Variants in MED13L observed in about 807,000 individuals in gnomAD.
MED13L encodes mediator complex subunit 13L, also known as mediator of RNA polymerase II transcription subunit 13-like.
In MED13L, 7 loss-of-function variants were observed where a neutral mutation model predicts 220.9. The observed-to-expected ratio is 0.03, with a 90% CI of 0.02 to 0.06. The LOEUF is 0.06. Among genes scored for constraint, MED13L ranks in the 10% least tolerant of loss-of-function variants. The pLI is 1.00. For missense variants in MED13L, 1,965 were observed against 2,760.5 expected, an observed-to-expected ratio of 0.71 and a Z score of 6.46; for synonymous variants, 1,011 against 1,015.2, an observed-to-expected ratio of 1.00 and a Z score of 0.08.
chr12:115,961,129 G>A lies in MED13L; in HGVS notation c.*137C>T, dbSNP rs572343074. 3.1e-5 allele frequency: 35 copies of A among 1,145,008 alleles called. No individual in the cohort carries two copies. The African/African-American group carries it at 4.1e-4, about 13-fold the overall frequency. 70.9% of individuals were successfully genotyped at this position (1,145,008 alleles called of 1,614,324 possible). Reference sequence around the variant, plus strand: ...ACTGCAGAATTGACATGTGCCTGCTGAGAAGGAATCACAGTGCAGGACTGT... The same window carrying A: ...ACTGCAGAATTGACATGTGCCTGCTAAGAAGGAATCACAGTGCAGGACTGT... On this transcript the variant is annotated 3_prime_UTR_variant, in exon 31 of 31. Coordinates refer to ENST00000281928, the MANE Select transcript of MED13L (RefSeq NM_015335.5).
At position 116,067,156 on chromosome 12, in the gene MED13L, T is replaced by G. The variant is rs181012314; in HGVS notation, c.479+29513A>C. ...GATAGAGAATTATAAACAGAGAATA[T>G]GAAATATGTAAAAACTATTTTTATT... is the stretch of plus-strand genomic sequence containing the variant. On this transcript the variant is annotated intron_variant, in intron 4 of 30. Transcript: ENST00000281928. Among the ~76,000 whole-genome samples the G allele has an allele frequency of 3.0e-4, 45 of 152,244 alleles. 1 individual carries two copies. The East Asian group carries it at 7.7e-3, about 26-fold the overall frequency.
intron 2 of MED13L, among the ~76,000 whole-genome samples, chr12:116,163,293 A>G (rs2138145785): frequency 6.6e-6 from 1 of 152,204 alleles, no homozygotes; most frequent in East Asian, 1.9e-4. Flanking sequence ...CCTATCAAGT[A>G]TATGACATTA....
intron 2 of MED13L, among the ~76,000 whole-genome samples, chr12:116,115,003 A>C (rs539449058): frequency 4.6e-5 from 7 of 152,316 alleles, no homozygotes; most frequent in African/African-American, 1.4e-4. Context: ...AAACTACAGA[A>C]TCAACTCAAT....
intron 2 of MED13L, among the ~76,000 whole-genome samples, chr12:116,177,088 G>A (rs1880127672): frequency 6.6e-6 from 1 of 151,764 alleles, no homozygotes; most frequent in African/African-American, 2.4e-5. Context: ...GTATGTTAAG[G>A]GTACAGTTCA....
intron 2 of MED13L, among the ~76,000 whole-genome samples, chr12:116,230,727 T>G (rs998184539): frequency 6.6e-6 from 1 of 152,180 alleles, no homozygotes; most frequent in Non-Finnish European, 1.5e-5. Flanking sequence ...TCCTGTCAAT[T>G]TATATATAAA....
intron 4 of MED13L, among the ~76,000 whole-genome samples, chr12:116,027,360 G>A (rs1400261320): frequency 3.3e-5 from 5 of 152,072 alleles, no homozygotes; most frequent in African/African-American, 4.8e-5. Flanking sequence ...AGGTTGAGGT[G>A]GCAGACAGCC....
intron 20 of MED13L, 42 bp from the exon 21 acceptor site, chr12:115,983,582 G>A: frequency 6.2e-7 from 1 of 1,603,296 alleles, no homozygotes; most frequent in Non-Finnish European, 8.5e-7. Context: ...GTGATATTCT[G>A]CAGTGTCGGA....
rs200440551 is a variant in MED13L, at chr12:115,975,601, G to A, written c.5502C>T (p.His1834=). The stretch of plus-strand genomic sequence containing the variant: ...AGGAAGCCAAAAGCCAGCGCTGGTC[G>A]TGAGACAGACAATAGCCCACGAAGA... ...NVLFVGYCLS[H]DQRWLLASCT... The change falls in exon 24 of 31, where the codon CAC becomes CAT. Residue 1834 remains histidine, a synonymous_variant. Coordinates refer to ENST00000281928, the MANE Select transcript of MED13L (RefSeq NM_015335.5). 141 of 1,614,120 alleles carry A rather than the reference G, an allele frequency of 8.7e-5. No homozygotes were observed. The Admixed American group carries it at 9.0e-4, about 10-fold the overall frequency.
intron 4 of MED13L, among the ~76,000 whole-genome samples, chr12:116,066,756 T>C (rs1319659452): frequency 6.6e-6 from 1 of 150,864 alleles, no homozygotes; most frequent in African/African-American, 2.4e-5. Flanking sequence ...TTCAAAATTG[T>C]ATTAAAAAAA....
At chr12:116,266,126 C>T (rs193195123) in intron 1 of MED13L, among the ~76,000 whole-genome samples, 51 of 152,280 alleles carry the variant, frequency 3.3e-4, no homozygotes, top group Non-Finnish European at 6.2e-4. Flanking sequence ...TCAAACATAG[C>T]GTACAAAACA....
At chr12:116,276,744 G>T in intron 1 of MED13L, 1 of 1,283,122 alleles carries the variant, frequency 7.8e-7, no homozygotes, top group Non-Finnish European at 1.0e-6. Flanking sequence ...GGGAGGAGAA[G>T]GGGAGTGCGA....
At chr12:116,191,518 TG>T (rs1197051123) in intron 2 of MED13L, among the ~76,000 whole-genome samples, 23 of 151,820 alleles carry the variant, frequency 1.5e-4, no homozygotes, top group Non-Finnish European at 2.9e-4. Context: ...TTAGTAGAGA[TG>T]GGGTTTCACC....
Position 115,997,096 on chromosome 12 carries a change from T to G in MED13L, c.2704A>C (p.Met902Leu). 2 of 1,614,150 alleles carry G rather than the reference T, an allele frequency of 1.2e-6. No individual in the cohort carries two copies. Among genetic ancestry groups the G allele is most frequent in the Non-Finnish European group, 1.7e-6 (2 of 1,179,992 alleles). The change falls in exon 15 of 31, where the codon ATG (methionine) becomes CTG (leucine). Residue 902 changes from methionine to leucine, a missense_variant. Physicochemically the swap from Met to Leu is conservative, Grantham distance 15 (BLOSUM62 2). This residue lies in a region of MED13L where 233 missense variants were observed against 306.2 expected (regional missense o/e 0.76). Coordinates refer to ENST00000281928, the MANE Select transcript of MED13L (RefSeq NM_015335.5). ...AGTTGTGTTGAAACCATACTGACCATAGGGCTCTCCATCATGCCTAATGCT... is the reference window on the plus strand; with the variant it reads ...AGTTGTGTTGAAACCATACTGACCAGAGGGCTCTCCATCATGCCTAATGCT... The part of the protein sequence containing the change: ...VTALGMMESP[M>L]VSMVSTQLTE...
chr12:116,050,025 T>A (rs1169766142), intron 4 of MED13L, among the ~76,000 whole-genome samples: 1 of 152,178 alleles, frequency 6.6e-6, no homozygotes, highest in South Asian at 2.1e-4. Context: ...CTTGGAAGGA[T>A]CAAATATTGT....
In MED13L at chr12:115,970,673, G is replaced by T. The variant is rs1199376628; in HGVS notation, c.5988C>A (p.Ile1996=). The change falls in exon 27 of 31, where the codon ATC becomes ATA. Residue 1996 remains isoleucine, a synonymous_variant. Coordinates refer to ENST00000281928, the MANE Select transcript of MED13L (RefSeq NM_015335.5). ...NTPQDASCTH[I]LVFPTSSTIQ... ...TGGTTGATGATGTTGGGAACACCAA[G>T]ATGTGTGTACAAGAAGCATCTTGAG... is the stretch of plus-strand genomic sequence containing the variant. 1.2e-6 allele frequency: 2 copies of T among 1,614,100 alleles called. No homozygotes were observed. The highest frequency in any genetic ancestry group is 1.7e-6 in the Non-Finnish European group (2 of 1,179,954).
At chr12:116,012,987 A>C in intron 8 of MED13L, 86 bp from the exon 9 acceptor site, 1 of 931,846 alleles carries the variant, frequency 1.1e-6, no homozygotes, top group Non-Finnish European at 1.7e-6. Context: ...AATACATTTC[A>C]TTCACATAGT....
chr12:116,021,244 G>T (rs560648506), intron 5 of MED13L, among the ~76,000 whole-genome samples: 2 of 152,050 alleles, frequency 1.3e-5, no homozygotes, highest in Non-Finnish European at 2.9e-5. Context: ...TAGGGACCTG[G>T]TATTCCTAAT....
chr12:116,029,627 A>T (rs1406550307), intron 4 of MED13L, among the ~76,000 whole-genome samples: 3 of 152,190 alleles, frequency 2.0e-5, no homozygotes, highest in Non-Finnish European at 4.4e-5. Context: ...AAAACAACGA[A>T]ATATTTTAAA....
chr12:116,120,463 TCTCTCTCTCTCTCTCACA>T (rs1400735458), intron 2 of MED13L, among the ~76,000 whole-genome samples: 295 of 138,954 alleles, frequency 2.1e-3, no homozygotes, highest in African/African-American at 7.8e-3. Context: ...TCTCTCTCTC[TCTCTCTCTCTCTCTCACA>T]CACACACACA....
Sources: gnomAD v4.1 joint callset for allele counts (sites outside exome capture counted in the v4.1 genomes callset) on GRCh38, gnomAD v4.1.1 for gene constraint, gnomAD v4.1.1 regional missense constraint, MANE v1.5 for transcripts, NCBI Gene and HGNC (gene_info 2026-07-23, HGNC 2026-07-21) for gene names.